Variants in ARNT2 observed in about 807,000 individuals in gnomAD.
The protein encoded by ARNT2 is ARNT protein 2.
In ARNT2, 36 loss-of-function variants were observed where a neutral mutation model predicts 91.7. The observed-to-expected ratio is 0.39, with a 90% CI of 0.30 to 0.52. The LOEUF (loss-of-function observed/expected upper bound fraction) is 0.52, where lower values mean the gene tolerates loss of function less well. Among genes scored for constraint, ARNT2 ranks in the 20% least tolerant of loss-of-function variants. The pLI is 0.72. For missense variants in ARNT2, 775 were observed against 939.3 expected, an observed-to-expected ratio of 0.83 and a Z score of 2.29; for synonymous variants, 365 against 347.1, an observed-to-expected ratio of 1.05 and a Z score of -0.57.
chr15:80,555,351 TA>T (rs1218927032), intron 11 of ARNT2: 3 of 520,758 alleles, frequency 5.8e-6, no homozygotes, highest in Non-Finnish European at 1.0e-5. Flanking sequence ...AGGAGAACTC[TA>T]AAGGGTCATG....
chr15:80,547,617 CA>C (rs35789161), intron 8 of ARNT2, among the ~76,000 whole-genome samples: 4 of 151,850 alleles, frequency 2.6e-5, no homozygotes, highest in South Asian at 2.1e-4. Context: ...GATATTTTCT[CA>C]AAAAAAATTG....
At chr15:80,521,518 A>G (rs555566002) in intron 8 of ARNT2, among the ~76,000 whole-genome samples, 2 of 152,320 alleles carry the variant, frequency 1.3e-5, no homozygotes, top group Admixed American at 1.3e-4. Flanking sequence ...TCAATTTATA[A>G]AAGGTACATA....
intron 8 of ARNT2, among the ~76,000 whole-genome samples, chr15:80,522,509 C>T (rs1188969485): frequency 2.0e-5 from 3 of 152,036 alleles, no homozygotes; most frequent in Non-Finnish European, 4.4e-5. Context: ...CTTAAACAGA[C>T]GTAGGTGGTA....
At chr15:80,490,131 A>C (rs1015322078) in intron 5 of ARNT2, among the ~76,000 whole-genome samples, 2 of 152,156 alleles carry the variant, frequency 1.3e-5, no homozygotes. Context: ...GAGAAGCTGG[A>C]TAGGTCAGGA....
At chr15:80,437,808 T>C (rs775999490) in intron 1 of ARNT2, among the ~76,000 whole-genome samples, 2 of 152,204 alleles carry the variant, frequency 1.3e-5, no homozygotes, top group East Asian at 1.9e-4. Flanking sequence ...CATAAGAGTA[T>C]TATATTCTAA....
At chr15:80,422,997 A>G (rs1381013502) in intron 1 of ARNT2, among the ~76,000 whole-genome samples, 1 of 152,242 alleles carries the variant, frequency 6.6e-6, no homozygotes, top group Non-Finnish European at 1.5e-5. Context: ...CTTACGTATC[A>G]TACTTTATAT....
At chr15:80,563,423 C>T (rs990421716) in intron 12 of ARNT2, among the ~76,000 whole-genome samples, 184 bp downstream of exon 12, 5 of 152,226 alleles carry the variant, frequency 3.3e-5, no homozygotes, top group African/African-American at 9.6e-5. Flanking sequence ...TCCTCCTTCT[C>T]ATTTCCCTCC....
intron 5 of ARNT2, among the ~76,000 whole-genome samples, chr15:80,492,518 G>A (rs1897070995): frequency 6.6e-6 from 1 of 152,142 alleles, no homozygotes; most frequent in African/African-American, 2.4e-5. Context: ...TCTGGCTCCT[G>A]TTACTTGGTT....
chr15:80,421,416 G>A (rs1330409322), intron 1 of ARNT2, among the ~76,000 whole-genome samples: 8 of 112,192 alleles, frequency 7.1e-5, no homozygotes, highest in Non-Finnish European at 5.6e-5. Context: ...AGAAAGGAAG[G>A]AAAGGAGGGA....
chr15:80,586,737 G>A lies in ARNT2; in HGVS notation c.1919-4831G>A, dbSNP rs376265829. On this transcript the variant is annotated intron_variant, in intron 17 of 18. Coordinates refer to ENST00000303329, the MANE Select transcript of ARNT2 (RefSeq NM_014862.4). ...AAAAATTAGCCGGGCATGGTGGTGCGCGCTGAGGCAGGAGAATTGCTTGAA... is the reference window on the plus strand; with the variant it reads ...AAAAATTAGCCGGGCATGGTGGTGCACGCTGAGGCAGGAGAATTGCTTGAA... Among the ~76,000 whole-genome samples, 18 of 151,778 alleles carry A rather than the reference G, an allele frequency of 1.2e-4. No individual in the cohort carries two copies. The South Asian group carries it at 3.1e-3, about 26-fold the overall frequency.
chr15:80,542,644 C>T (rs118120913), intron 8 of ARNT2, among the ~76,000 whole-genome samples: 1,634 of 152,154 alleles, frequency 0.011, 21 homozygotes, highest in East Asian at 0.04. Context: ...AAAAAATCTG[C>T]GGAAGTTCTT....
In ARNT2 at chr15:80,538,392, A is replaced by G. The variant is rs927019977; in HGVS notation, c.878-12807A>G. Among the ~76,000 whole-genome samples, 6 of 152,156 alleles carry G rather than the reference A, an allele frequency of 3.9e-5. 1 individual carries two copies. Among genetic ancestry groups the G allele is most frequent in the African/African-American group, 1.2e-4 (5 of 41,466 alleles). ...TAAATCTCAAACTTATAGAACTTGG[A>G]AAGCCCATTTTTTTAATCCCAGTGC... On this transcript the variant is annotated intron_variant, in intron 8 of 18. Coordinates refer to ENST00000303329, the MANE Select transcript of ARNT2 (RefSeq NM_014862.4).
intron 17 of ARNT2, among the ~76,000 whole-genome samples, chr15:80,589,544 C>T (rs1048765469): frequency 3.3e-5 from 5 of 152,212 alleles, no homozygotes; most frequent in Non-Finnish European, 7.3e-5. Flanking sequence ...CTACCATGCC[C>T]TTCCTTCAGC....
intron 17 of ARNT2, among the ~76,000 whole-genome samples, chr15:80,586,775 A>G (rs1418648706): frequency 6.7e-6 from 1 of 148,264 alleles, no homozygotes; most frequent in Non-Finnish European, 1.5e-5. Flanking sequence ...TGGGAGGTGG[A>G]GGTTGCAGTG....
intron 1 of ARNT2, among the ~76,000 whole-genome samples, chr15:80,426,100 C>T (rs1035231730): frequency 1.5e-5 from 2 of 136,950 alleles, no homozygotes; most frequent in Non-Finnish European, 1.6e-5. Flanking sequence ...CTATAGGATA[C>T]GTTTCTTTTT....
intron 13 of ARNT2, 133 bp from the exon 14 acceptor site, chr15:80,574,854 A>T: frequency 8.4e-7 from 1 of 1,190,602 alleles, no homozygotes; most frequent in Non-Finnish European, 1.2e-6. Context: ...CACCCGATAA[A>T]ATGTTCCAGC....
chr15:80,488,207 C>G (rs1388650942), intron 5 of ARNT2, among the ~76,000 whole-genome samples: 1 of 152,152 alleles, frequency 6.6e-6, no homozygotes, highest in Non-Finnish European at 1.5e-5. Flanking sequence ...CATCTCTGTC[C>G]TGGATAAAGA....
intron 12 of ARNT2, among the ~76,000 whole-genome samples, chr15:80,563,558 G>T (rs998013713): frequency 2.6e-5 from 4 of 152,200 alleles, no homozygotes; most frequent in Non-Finnish European, 5.9e-5. Flanking sequence ...CTGGAGCTCT[G>T]CTGGGCCCCG....
At chr15:80,527,301 T>C (rs1416186200) in intron 8 of ARNT2, among the ~76,000 whole-genome samples, 1 of 152,058 alleles carries the variant, frequency 6.6e-6, no homozygotes, top group African/African-American at 2.4e-5. Context: ...AAGCCACAGG[T>C]CAAGGGTCAT....
Sources: gnomAD v4.1 joint callset for allele counts (sites outside exome capture counted in the v4.1 genomes callset) on GRCh38, gnomAD v4.1.1 for gene constraint, MANE v1.5 for transcripts, NCBI Gene and HGNC (gene_info 2026-07-23, HGNC 2026-07-21) for gene names.